ASPSCR1: variants seen among roughly 807,000 people sequenced by gnomAD.
The protein encoded by ASPSCR1 is tether containing UBX domain for GLUT4.
In ASPSCR1, 55 loss-of-function variants were observed where a neutral mutation model predicts 68.9. That is an observed-to-expected ratio of 0.80 (90% CI 0.64 to 1.00). ASPSCR1 has a LOEUF of 1.00. Ranked by LOEUF, ASPSCR1 falls within the 50% of genes least tolerant of loss-of-function variation. The pLI is 0.00. For missense variants in ASPSCR1, 765 were observed against 762.2 expected (o/e 1.00, Z -0.04); for synonymous variants, 352 against 332.6 (o/e 1.06, Z -0.63).
chr17:81,983,382 C>T lies in ASPSCR1; in HGVS notation c.159-172C>T, dbSNP rs569283933. On this transcript the variant is annotated intron_variant, in intron 2 of 15. Transcript: ENST00000306739. The surrounding 1 kb of genome is among the most constrained non-coding windows in gnomAD (Gnocchi z 4.4). Reference sequence around the variant, plus strand: ...AGGAGGCCCCATATGATCGGGGACCCGCCTTGTGCCTCTGCAGGTCATGAC... The same window carrying T: ...AGGAGGCCCCATATGATCGGGGACCTGCCTTGTGCCTCTGCAGGTCATGAC... Among the ~76,000 whole-genome samples, 2 of 152,094 alleles carry T rather than the reference C, an allele frequency of 1.3e-5. No homozygotes were observed. Among genetic ancestry groups the T allele is most frequent in the East Asian group, 1.9e-4 (1 of 5,158 alleles).
intron 1 of ASPSCR1, 128 bp from the exon 2 acceptor site, chr17:81,979,056 G>C (rs952527557): frequency 1.1e-6 from 1 of 910,864 alleles, no homozygotes; most frequent in African/African-American, 1.6e-5. Flanking sequence ...GTGTGGTCTT[G>C]TGCTTGGCTT....
intron 4 of ASPSCR1, 70 bp downstream of exon 4, chr17:81,985,677 T>C (rs1190498829): frequency 6.7e-7 from 1 of 1,496,220 alleles, no homozygotes; most frequent in Non-Finnish European, 9.2e-7. Flanking sequence ...TTACTGGGTC[T>C]GGTTCAGAGC....
chr17:82,014,720 T>G (rs763450436), intron 12 of ASPSCR1: 3 of 326,100 alleles, frequency 9.2e-6, no homozygotes, highest in Admixed American at 4.7e-5. Context: ...CACGTGTGCA[T>G]GCAGCCCCTA....
rs139064158 is a variant in ASPSCR1 at position 81,996,018 on chromosome 17, C to T, written c.459C>T (p.Gly153=). 7.2e-4 allele frequency: 1,156 copies of T among 1,610,520 alleles called. 4 individuals carry two copies. The Middle Eastern group carries it at 0.01, about 14-fold the overall frequency. Residue 153 remains glycine (G), a synonymous_variant, in exon 6 of 16, where the codon GGC becomes GGT. Coordinates refer to ENST00000306739, the MANE Select transcript of ASPSCR1 (RefSeq NM_024083.4). ...DEVTGEAALR[G]TTLQSLGLTG... is the part of the protein sequence containing the mutation. ...TGACGGGTGAAGCTGCCCTGCGGGGCACGACGCTGCAGTCGCTGGGCCTGA... is the reference window on the plus strand; with the variant it reads ...TGACGGGTGAAGCTGCCCTGCGGGGTACGACGCTGCAGTCGCTGGGCCTGA...
chr17:82,002,835 G>A (rs140950477), intron 7 of ASPSCR1, among the ~76,000 whole-genome samples: 3,475 of 152,216 alleles, frequency 0.023, 131 homozygotes, highest in African/African-American at 0.079. Context: ...TAGGATTACA[G>A]GCGTGAGCCA....
At chr17:81,998,931 G>T (rs1360271999) in intron 7 of ASPSCR1, among the ~76,000 whole-genome samples, 1 of 152,236 alleles carries the variant, frequency 6.6e-6, no homozygotes, top group African/African-American at 2.4e-5. Context: ...TGTGGCTGTG[G>T]CCTGACCCTC....
rs777852943 is a variant in ASPSCR1, at chr17:81,985,635, C to T, written c.374+28C>T. 1.9e-6 allele frequency: 3 copies of T among 1,598,332 alleles called. No individual in the cohort carries two copies. In the Admixed American group the frequency reaches 5.0e-5, roughly 27 times the overall value. Reference sequence around the variant, plus strand: ...GAGCATCAGTGGGCTGGGGGCTCTTCCCTACCCTGTTTGCTGGGGAAGCTG... The same window carrying T: ...GAGCATCAGTGGGCTGGGGGCTCTTTCCTACCCTGTTTGCTGGGGAAGCTG... On this transcript the variant is annotated intron_variant, in intron 4 of 15. Coordinates refer to ENST00000306739, the MANE Select transcript of ASPSCR1 (RefSeq NM_024083.4).
In ASPSCR1 at chr17:82,009,377, G is replaced by T. The variant is rs1042234928; in HGVS notation, c.1089-109G>T. On this transcript the variant is annotated intron_variant, in intron 8 of 15. Transcript: ENST00000306739. Reference sequence around the variant, plus strand: ...CGTCCAGACCTTCCTGCCTTGTGTGGGGAGAGCAGCCCACTCCCACCCTGG... The same window carrying T: ...CGTCCAGACCTTCCTGCCTTGTGTGTGGAGAGCAGCCCACTCCCACCCTGG... The T allele has an allele frequency of 2.9e-5, 39 of 1,368,376 alleles. 1 individual carries two copies. The allele number at this position is 1,368,376 out of a possible 1,614,324, so 84.8% of individuals were successfully genotyped here.
intron 12 of ASPSCR1, chr17:82,014,643 C>G (rs1241565272): frequency 5.4e-6 from 1 of 186,292 alleles, no homozygotes; most frequent in Non-Finnish European, 1.1e-5. Context: ...TGCAAGGGCT[C>G]CTCTCTTGGC....
chr17:81,997,706 G>C (rs1328825922), intron 7 of ASPSCR1, among the ~76,000 whole-genome samples: 1 of 150,022 alleles, frequency 6.7e-6, no homozygotes, highest in African/African-American at 2.4e-5. Flanking sequence ...GTCCAGGATG[G>C]TCTCAATCTC....
At chr17:81,979,557 GT>G (rs1047067108) in intron 2 of ASPSCR1, among the ~76,000 whole-genome samples, 2 of 152,174 alleles carry the variant, frequency 1.3e-5, no homozygotes, top group African/African-American at 4.8e-5. Context: ...TGGATTTAGG[GT>G]CCACTTGGAT....
At chr17:81,996,185 G>T in intron 6 of ASPSCR1, 120 bp downstream of exon 6, 1 of 1,337,922 alleles carries the variant, frequency 7.5e-7, no homozygotes. Flanking sequence ...CCTCATCATG[G>T]AGAGCGCCTG....
Position 82,017,366 on chromosome 17 carries a change from C to T in ASPSCR1, c.*44C>T. ...GCCCACTCCGCCAGCCACAGGACCA[C>T]CTCCTCTGCCAGCAGGAATAAAGAC... On this transcript the variant is annotated 3_prime_UTR_variant, in exon 16 of 16. Coordinates refer to ENST00000306739, the MANE Select transcript of ASPSCR1 (RefSeq NM_024083.4). 6.2e-7 allele frequency: 1 copy of T among 1,612,026 alleles called. No homozygotes were observed. Among genetic ancestry groups the T allele is most frequent in the African/African-American group, 1.3e-5 (1 of 75,060 alleles).
Position 81,983,723 on chromosome 17 carries a change from GC to G in ASPSCR1, c.273+57del. 6.9e-7 allele frequency: 1 copy of G among 1,450,368 alleles called. No homozygotes were observed. Among genetic ancestry groups the G allele is most frequent in the Non-Finnish European group, 9.5e-7 (1 of 1,052,114 alleles). 89.8% of individuals were successfully genotyped at this position (1,450,368 alleles called of 1,614,324 possible). On this transcript the variant is annotated intron_variant, in intron 3 of 15. Transcript: ENST00000306739. This position sits in a 1 kb window ranked among gnomAD's most constrained non-coding sequence, Gnocchi z 4.4. ...TGTGGGGCACAGGATCGTTCAGCTG[GC>G]CAGGGACGGGGGACGGGACAGTGGG...
chr17:82,007,015 CAG>C (rs1471359817), intron 7 of ASPSCR1: 1 of 152,324 alleles, frequency 6.6e-6, no homozygotes, highest in Admixed American at 6.5e-5. Flanking sequence ...TCTCCACACA[CAG>C]GGTCCCCTGG....
Position 81,990,422 on chromosome 17 carries a change from G to T in ASPSCR1, c.375-4399G>T, listed in dbSNP as rs551966654. On this transcript the variant is annotated intron_variant, in intron 4 of 15. Transcript: ENST00000306739. This position sits in a 1 kb window ranked among gnomAD's most constrained non-coding sequence, Gnocchi z 4.1. ...GTCTGAAGGTTCTGCCCAGCACAGA[G>T]GGGTGTGAACAGCCACGCCGAGCTC... is the stretch of plus-strand genomic sequence containing the variant. Among the ~76,000 whole-genome samples the T allele has an allele frequency of 4.6e-5, 7 of 152,220 alleles. No individual in the cohort carries two copies. Among genetic ancestry groups the T allele is most frequent in the African/African-American group, 1.7e-4 (7 of 41,448 alleles).
rs1322441966 is a variant in ASPSCR1 at position 81,983,264 on chromosome 17, C to T, written c.159-290C>T. Among the ~76,000 whole-genome samples, 1 of 152,192 alleles carries T rather than the reference C, an allele frequency of 6.6e-6. No homozygotes were observed. The highest frequency in any genetic ancestry group is 2.4e-5 in the African/African-American group (1 of 41,460). On this transcript the variant is annotated intron_variant, in intron 2 of 15. Transcript: ENST00000306739. This position sits in a 1 kb window ranked among gnomAD's most constrained non-coding sequence, Gnocchi z 4.4. ...TCTCTGTGTTTTCCGAGCGTCTGCA[C>T]TGGGGCTGTCAGCACCCCAGACTCT...
chr17:82,001,849 C>A (rs927126911), intron 7 of ASPSCR1, among the ~76,000 whole-genome samples: 1 of 152,202 alleles, frequency 6.6e-6, no homozygotes, highest in African/African-American at 2.4e-5. Context: ...AACTGCTTTT[C>A]CTGCCTGTCC....
chr17:82,001,472 GCCA>G (rs1164097414), intron 7 of ASPSCR1, among the ~76,000 whole-genome samples: 1 of 152,196 alleles, frequency 6.6e-6, no homozygotes, highest in Non-Finnish European at 1.5e-5. Flanking sequence ...GATTGGAATG[GCCA>G]CCAAGCGTGG....
Sources: gnomAD v4.1 joint callset for allele counts (sites outside exome capture counted in the v4.1 genomes callset) on GRCh38, gnomAD v4.1.1 for gene constraint, Gnocchi (gnomAD v3.1) non-coding constraint, MANE v1.5 for transcripts, NCBI Gene and HGNC (gene_info 2026-07-23, HGNC 2026-07-21) for gene names.